Variants in STAU2 observed in about 807,000 individuals in gnomAD.
STAU2 encodes staufen double-stranded RNA binding protein 2.
Under a neutral mutation model 65.9 loss-of-function variants are expected in STAU2, and 20 were observed. The observed-to-expected ratio is 0.30, with a 90% CI of 0.21 to 0.44. The LOEUF is 0.44. Ranked by LOEUF, STAU2 falls within the 20% of genes least tolerant of loss-of-function variation. STAU2 has a pLI of 1.00. For missense variants in STAU2, 558 were observed against 683.9 expected, an observed-to-expected ratio of 0.82 and a Z score of 2.05; for synonymous variants, 232 against 233.9, an observed-to-expected ratio of 0.99 and a Z score of 0.07.
At chr8:73,648,869 C>A (rs1053927044) in intron 6 of STAU2, among the ~76,000 whole-genome samples, 4 of 152,122 alleles carry the variant, frequency 2.6e-5, no homozygotes, top group Admixed American at 6.5e-5. Flanking sequence ...TACAGTGGTA[C>A]CATCATAGCT....
chr8:73,599,312 T>A lies in STAU2; in HGVS notation c.1030-4015A>T, dbSNP rs73330807. On this transcript the variant is annotated intron_variant, in intron 10 of 14. Transcript: ENST00000524300. ...AATTACTCTTGTTCTTCTAAAAGCA[T>A]TATTTAGAAAGGAAAGTCACAACAC... 2.0e-5 allele frequency among the ~76,000 whole-genome samples: 3 copies of A among 152,220 alleles called. No individual in the cohort carries two copies. The East Asian group carries it at 5.8e-4, about 29-fold the overall frequency.
intron 13 of STAU2, among the ~76,000 whole-genome samples, chr8:73,535,786 T>G (rs905153951): frequency 2.0e-5 from 3 of 152,136 alleles, no homozygotes; most frequent in African/African-American, 7.2e-5. Context: ...TAAAGGAAAA[T>G]TGTGGTTACA....
At chr8:73,457,233 T>C (rs1454554270) in intron 13 of STAU2, among the ~76,000 whole-genome samples, 2 of 151,424 alleles carry the variant, frequency 1.3e-5, no homozygotes, top group Non-Finnish European at 2.9e-5. Flanking sequence ...AGAAAGAAAT[T>C]TCAACAACCA....
Position 73,461,663 on chromosome 8 carries a change from G to A in STAU2, c.1531-38961C>T, listed in dbSNP as rs189468171. On this transcript the variant is annotated intron_variant, in intron 13 of 14. Transcript: ENST00000524300. Reference sequence around the variant, plus strand: ...CAACAGAGAGCACAAGCACAAGCACGGCAGCAAGTAGGAGGAGGATGGAGA... The same window carrying A: ...CAACAGAGAGCACAAGCACAAGCACAGCAGCAAGTAGGAGGAGGATGGAGA... Among the ~76,000 whole-genome samples the A allele has an allele frequency of 5.9e-5, 9 of 152,096 alleles. No individual in the cohort carries two copies. In the East Asian group the frequency reaches 9.7e-4, roughly 16 times the overall value.
chr8:73,743,832 C>T (rs1201333626), intron 1 of STAU2, among the ~76,000 whole-genome samples: 3 of 147,540 alleles, frequency 2.0e-5, no homozygotes, highest in Non-Finnish European at 3.0e-5. Flanking sequence ...AGTGCAATGG[C>T]GCCATCTCAG....
intron 3 of STAU2, among the ~76,000 whole-genome samples, chr8:73,717,648 T>TGTC (rs201843693): frequency 0.1 from 15,935 of 152,130 alleles, 1,055 homozygotes; most frequent in Non-Finnish European, 0.16. Context: ...TTGTTGTTGT[T>TGTC]GTTGTTGTTG....
intron 6 of STAU2, among the ~76,000 whole-genome samples, chr8:73,644,763 C>T (rs1426953992): frequency 6.6e-6 from 1 of 152,134 alleles, no homozygotes; most frequent in Non-Finnish European, 1.5e-5. Context: ...CAGGGATTAT[C>T]ACTAGAGATC....
chr8:73,547,609 G>A (rs1807024059), intron 13 of STAU2, among the ~76,000 whole-genome samples: 1 of 152,110 alleles, frequency 6.6e-6, no homozygotes, highest in South Asian at 2.1e-4. Context: ...GTCTTTCCAA[G>A]GTCCTTGGAA....
intron 1 of STAU2, among the ~76,000 whole-genome samples, chr8:73,741,427 T>C (rs1476284411): frequency 1.3e-5 from 2 of 152,134 alleles, no homozygotes; most frequent in Admixed American, 6.5e-5. Context: ...ATTTCTTCAA[T>C]ATTAGAGGCT....
chr8:73,435,699 T>A (rs769142921), intron 13 of STAU2, among the ~76,000 whole-genome samples: 2 of 152,038 alleles, frequency 1.3e-5, no homozygotes, highest in Non-Finnish European at 2.9e-5. Flanking sequence ...CTTTTTGAGA[T>A]GTCAGTCATC....
intron 12 of STAU2, among the ~76,000 whole-genome samples, chr8:73,561,975 A>G (rs1341269005): frequency 1.3e-5 from 2 of 152,258 alleles, no homozygotes; most frequent in Non-Finnish European, 2.9e-5. Context: ...GCATCTGGCT[A>G]CAGTCAGCAA....
intron 9 of STAU2, among the ~76,000 whole-genome samples, chr8:73,606,351 C>G (rs1812035515): frequency 6.6e-6 from 1 of 151,906 alleles, no homozygotes; most frequent in Non-Finnish European, 1.5e-5. Flanking sequence ...GCACCTGTAT[C>G]CAGAGTATAT....
At chr8:73,600,275 T>C (rs903100674) in intron 10 of STAU2, among the ~76,000 whole-genome samples, 1 of 152,264 alleles carries the variant, frequency 6.6e-6, no homozygotes, top group Non-Finnish European at 1.5e-5. Flanking sequence ...ACATATTCAT[T>C]ACAGAATTTC....
At chr8:73,724,025 G>A (rs759349080) in intron 3 of STAU2, among the ~76,000 whole-genome samples, 6 of 152,030 alleles carry the variant, frequency 3.9e-5, no homozygotes, top group Non-Finnish European at 7.4e-5. Flanking sequence ...TTACTAGTTC[G>A]CTCCAGAGCA....
intron 13 of STAU2, among the ~76,000 whole-genome samples, chr8:73,535,542 C>T (rs1414119016): frequency 6.6e-6 from 1 of 152,096 alleles, no homozygotes; most frequent in East Asian, 1.9e-4. Context: ...ACATAAATTA[C>T]ACTTACACAC....
chr8:73,656,160 T>G (rs1054639141), intron 6 of STAU2, among the ~76,000 whole-genome samples: 8 of 152,254 alleles, frequency 5.3e-5, no homozygotes, highest in African/African-American at 2.4e-5. Context: ...TTTCTTTATA[T>G]TGATGTATCT....
At chr8:73,501,967 G>T (rs994391081) in intron 13 of STAU2, among the ~76,000 whole-genome samples, 1 of 151,958 alleles carries the variant, frequency 6.6e-6, no homozygotes, top group African/African-American at 2.4e-5. Flanking sequence ...GGGGGTAGGA[G>T]TGTGTGTGCA....
chr8:73,561,538 C>T, intron 12 of STAU2: 1 of 455,304 alleles, frequency 2.2e-6, no homozygotes, highest in Non-Finnish European at 4.4e-6. Flanking sequence ...GTTATGATTT[C>T]CCTACGACAG....
intron 12 of STAU2, among the ~76,000 whole-genome samples, chr8:73,564,594 T>A (rs1162843488): frequency 6.7e-6 from 1 of 148,912 alleles, no homozygotes; most frequent in Non-Finnish European, 1.5e-5. Flanking sequence ...ATAATCTGTA[T>A]GACAAGCCCC....
Sources: gnomAD v4.1 joint callset for allele counts (sites outside exome capture counted in the v4.1 genomes callset) on GRCh38, gnomAD v4.1.1 for gene constraint, MANE v1.5 for transcripts, NCBI Gene and HGNC (gene_info 2026-07-23, HGNC 2026-07-21) for gene names.